The following RBFOX1 variants were observed in gnomAD, a reference collection of about 807,000 sequenced individuals.
RBFOX1 encodes the protein RNA binding protein fox-1 homolog 1.
In RBFOX1, 8 loss-of-function variants were observed where a neutral mutation model predicts 57.7. The observed-to-expected ratio is 0.14, with a 90% CI of 0.08 to 0.25. The LOEUF (loss-of-function observed/expected upper bound fraction) is 0.25, where lower values mean the gene tolerates loss of function less well. Among genes scored for constraint, RBFOX1 ranks in the 10% least tolerant of loss-of-function variants. The pLI is 1.00. For synonymous variants in RBFOX1, 326 were observed against 222.4 expected (o/e 1.47, Z -4.15); for missense variants, 611 against 548.5 (o/e 1.11, Z -1.14).
At chr16:6,320,237 C>T (rs933798008) in intron 2 of RBFOX1, among the ~76,000 whole-genome samples, 1 of 152,148 alleles carries the variant, frequency 6.6e-6, no homozygotes, top group East Asian at 1.9e-4. Flanking sequence ...GGAGATTAGA[C>T]TCGCAGCTTT....
At chr16:5,876,718 TCTGA>T (rs1227000962) in intron 4 of RBFOX1, among the ~76,000 whole-genome samples, 2 of 152,164 alleles carry the variant, frequency 1.3e-5, no homozygotes, top group Non-Finnish European at 2.9e-5. Context: ...ATTCCAACCT[TCTGA>T]CTGTTTAAGA....
At chr16:6,983,113 C>T (rs1262180065) in intron 3 of RBFOX1, among the ~76,000 whole-genome samples, 2 of 151,478 alleles carry the variant, frequency 1.3e-5, no homozygotes, top group African/African-American at 4.8e-5. Context: ...TACAGTTTTC[C>T]AGATACCAAA....
chr16:6,087,155 T>C (rs1290981214), intron 1 of RBFOX1, among the ~76,000 whole-genome samples: 1 of 152,192 alleles, frequency 6.6e-6, no homozygotes, highest in Non-Finnish European at 1.5e-5. Flanking sequence ...TTTATGAGGA[T>C]AGATTCATTC....
Position 7,651,349 on chromosome 16 carries a change from C to T in RBFOX1, c.758-2466C>T, listed in dbSNP as rs536968881. ...TGGCAAACCCCACCCGCTCCCTTCA[C>T]CCACCATGTAAGTACAAACATACCC... On this transcript the variant is annotated intron_variant, in intron 11 of 15. Transcript: ENST00000550418. Among the ~76,000 whole-genome samples, 10 of 152,288 alleles carry T rather than the reference C, an allele frequency of 6.6e-5. No homozygotes were observed. In the East Asian group the frequency reaches 1.9e-3, roughly 29 times the overall value.
intron 1 of RBFOX1, among the ~76,000 whole-genome samples, chr16:5,447,377 A>C (rs1371155721): frequency 5.8e-5 from 2 of 34,580 alleles, no homozygotes; most frequent in African/African-American, 1.3e-4. Flanking sequence ...TCAATCAATC[A>C]ATCTCTCTCT....
At chr16:7,445,443 T>C (rs2150029894) in intron 4 of RBFOX1, among the ~76,000 whole-genome samples, 1 of 152,264 alleles carries the variant, frequency 6.6e-6, no homozygotes, top group East Asian at 1.9e-4. Context: ...TGGATCTGCA[T>C]AACTAGGACA....
intron 4 of RBFOX1, among the ~76,000 whole-genome samples, chr16:7,244,445 T>A (rs958443670): frequency 2.0e-5 from 3 of 152,264 alleles, no homozygotes; most frequent in East Asian, 3.9e-4. Context: ...TCTTGTCATA[T>A]TGAGATCAAG....
At chr16:6,412,974 G>A (rs1456869860) in intron 2 of RBFOX1, among the ~76,000 whole-genome samples, 2 of 152,144 alleles carry the variant, frequency 1.3e-5, no homozygotes, top group African/African-American at 2.4e-5. Flanking sequence ...TCTTGCCTCA[G>A]ATACTTTAAT....
chr16:6,423,547 C>A (rs2093834961), intron 2 of RBFOX1, among the ~76,000 whole-genome samples: 1 of 152,076 alleles, frequency 6.6e-6, no homozygotes, highest in African/African-American at 2.4e-5. Context: ...TGCAGTGAGC[C>A]AAGATTGTGC....
chr16:5,670,634 A>G (rs999506008), intron 3 of RBFOX1, among the ~76,000 whole-genome samples: 1 of 152,198 alleles, frequency 6.6e-6, no homozygotes, highest in African/African-American at 2.4e-5. Flanking sequence ...ACACTCATAC[A>G]CATTTCTTGC....
intron 1 of RBFOX1, among the ~76,000 whole-genome samples, chr16:5,339,468 GTGTTT>G (rs2064981117): frequency 3.7e-5 from 1 of 27,116 alleles, no homozygotes; most frequent in Non-Finnish European, 1.2e-4. Context: ...TGCTTTTTCC[GTGTTT>G]TTTTTTTTTT....
At chr16:6,376,513 C>T (rs573598644) in intron 2 of RBFOX1, among the ~76,000 whole-genome samples, 3 of 152,254 alleles carry the variant, frequency 2.0e-5, no homozygotes, top group South Asian at 2.1e-4. Context: ...TGGCATTCTG[C>T]GGCTTGCAGC....
At chr16:7,538,514 A>C (rs2082087634) in intron 5 of RBFOX1, among the ~76,000 whole-genome samples, 1 of 152,204 alleles carries the variant, frequency 6.6e-6, no homozygotes, top group South Asian at 2.1e-4. Context: ...CTTACTGTGT[A>C]ACTGGCACCG....
At chr16:6,285,879 A>C (rs1599192656) in intron 1 of RBFOX1, among the ~76,000 whole-genome samples, 1 of 152,304 alleles carries the variant, frequency 6.6e-6, no homozygotes, top group South Asian at 2.1e-4. Context: ...ATGTAACCCA[A>C]GAAGGAACGC....
intron 2 of RBFOX1, among the ~76,000 whole-genome samples, chr16:5,495,692 C>T (rs930824555): frequency 6.6e-6 from 1 of 152,226 alleles, no homozygotes; most frequent in African/African-American, 2.4e-5. Context: ...TCGTTAACAT[C>T]GTAAACCACA....
chr16:6,020,418 G>C (rs1029030706), intron 1 of RBFOX1, among the ~76,000 whole-genome samples: 3 of 152,162 alleles, frequency 2.0e-5, no homozygotes, highest in African/African-American at 7.2e-5. Context: ...TGCAGGAGGA[G>C]GCATCTTAGT....
At chr16:5,544,566 CA>C (rs1446255537) in intron 2 of RBFOX1, among the ~76,000 whole-genome samples, 2 of 151,832 alleles carry the variant, frequency 1.3e-5, no homozygotes, top group East Asian at 3.9e-4. Context: ...AAATGAAAAA[CA>C]GAAAAACAAT....
chr16:7,364,015 T>G (rs965853749), intron 4 of RBFOX1, among the ~76,000 whole-genome samples: 7 of 152,158 alleles, frequency 4.6e-5, no homozygotes, highest in Non-Finnish European at 8.8e-5. Flanking sequence ...CAAGATCGTA[T>G]TTGTAGGTGC....
intron 3 of RBFOX1, among the ~76,000 whole-genome samples, chr16:6,992,454 G>A (rs2091643120): frequency 2.0e-5 from 3 of 152,022 alleles, no homozygotes; most frequent in Admixed American, 6.6e-5. Context: ...TTGATCTCAC[G>A]TGATCTGCCT....
Sources: gnomAD v4.1 joint callset for allele counts (sites outside exome capture counted in the v4.1 genomes callset) on GRCh38, gnomAD v4.1.1 for gene constraint, MANE v1.5 for transcripts, NCBI Gene and HGNC (gene_info 2026-07-23, HGNC 2026-07-21) for gene names.